Variants in KCNJ15 observed in about 807,000 individuals in gnomAD.
KCNJ15 encodes the protein potassium inwardly rectifying channel subfamily J member 15.
A neutral mutation model predicts 23.0 loss-of-function variants in KCNJ15; 14 were observed. The ratio of observed to expected loss-of-function variants is 0.61; its 90% confidence interval spans 0.40 to 0.95. KCNJ15 has a LOEUF of 0.95. KCNJ15 is among the 40% of genes least tolerant of loss of function. The pLI is 0.00. For missense variants in KCNJ15, 388 were observed against 461.8 expected, an observed-to-expected ratio of 0.84 and a Z score of 1.46; for synonymous variants, 185 against 183.2, an observed-to-expected ratio of 1.01 and a Z score of -0.08.
chr21:38,305,589 G>A lies in KCNJ15; in HGVS notation c.*5200G>A, dbSNP rs890713914. 2.6e-5 allele frequency: 4 copies of A among 152,218 alleles called. No individual in the cohort carries two copies. In the East Asian group the frequency reaches 5.8e-4, roughly 22 times the overall value. 9.4% of individuals were successfully genotyped at this position (152,218 alleles called of 1,614,324 possible). A position where few individuals can be genotyped will look rare whatever the true frequency, so the allele number is the denominator to read the frequency against. On this transcript the variant is annotated 3_prime_UTR_variant, in exon 3 of 3. Transcript: ENST00000398938. Reference sequence around the variant, plus strand: ...GGCTGCCAGGCACTCTGTATGTGCAGAATATGTCCTATATGGAGTAATTTT... The same window carrying A: ...GGCTGCCAGGCACTCTGTATGTGCAAAATATGTCCTATATGGAGTAATTTT...
Position 38,258,129 on chromosome 21 carries a change from A to G in KCNJ15, c.-117+944A>G, listed in dbSNP as rs182250633. Among the ~76,000 whole-genome samples the G allele has an allele frequency of 2.0e-3, 308 of 152,096 alleles. 4 individuals carry two copies. Among genetic ancestry groups the G allele is most frequent in the East Asian group, 5.8e-4 (3 of 5,180 alleles). The stretch of plus-strand genomic sequence containing the variant: ...AAAATTCATTTTTTGCAACCTCAAG[A>G]TCACAAGCACACACTCACACTCATG... On this transcript the variant is annotated intron_variant, in intron 1 of 2. Transcript: ENST00000398938.
At chr21:38,252,187 A>T (rs1432420057), upstream of KCNJ15, among the ~76,000 whole-genome samples, 4 of 152,180 alleles carry the variant, frequency 2.6e-5, no homozygotes, top group East Asian at 7.7e-4. Context: ...TGGCTCTTTT[A>T]ATCTTTACTT....
chr21:38,268,437 A>T lies in KCNJ15; in HGVS notation c.-117+11252A>T, dbSNP rs1012601213. Among the ~76,000 whole-genome samples the T allele has an allele frequency of 1.4e-3, 11 of 7,632 alleles. No homozygotes were observed. The African/African-American group carries it at 0.035, about 24-fold the overall frequency. The allele number at this position is 7,632 out of a possible 152,430, so 5.0% of individuals were successfully genotyped here. On this transcript the variant is annotated intron_variant, in intron 1 of 2. Coordinates refer to ENST00000398938, the MANE Select transcript of KCNJ15 (RefSeq NM_170736.3). ...GAAAGTTATGTAGGTGGATTTTTTA[A>T]AAAAAATATTACAGCCTAAATTTTC...
chr21:38,262,624 ATTAC>A (rs1036124865), intron 1 of KCNJ15, among the ~76,000 whole-genome samples: 9 of 152,128 alleles, frequency 5.9e-5, no homozygotes, highest in Non-Finnish European at 1.3e-4. Context: ...ACACAAAACA[ATTAC>A]CCTTTAAACA....
intron 1 of KCNJ15, among the ~76,000 whole-genome samples, chr21:38,236,250 G>A (rs561403358): frequency 6.6e-6 from 1 of 152,144 alleles, no homozygotes; most frequent in Non-Finnish European, 1.5e-5. Flanking sequence ...TTTCTTCACC[G>A]TCACTTGCTC....
intron 1 of KCNJ15, among the ~76,000 whole-genome samples, chr21:38,283,005 A>G (rs1983519353): frequency 1.3e-5 from 2 of 152,180 alleles, no homozygotes; most frequent in Non-Finnish European, 2.9e-5. Flanking sequence ...CAGCCTAAGC[A>G]AAGGTATAGG....
chr21:38,299,255 C>T lies in KCNJ15; in HGVS notation c.-7C>T, dbSNP rs756722710. ...GTCATTTCTCTAAGTGTTTCCAGAG[C>T]CTGGCAATGGATGCCATTCACATCG... On this transcript the variant is annotated 5_prime_UTR_variant, in exon 3 of 3. Transcript: ENST00000398938. This position sits in a 1 kb window ranked among gnomAD's most constrained non-coding sequence, Gnocchi z 4.5. The T allele has an allele frequency of 2.5e-6, 4 of 1,604,702 alleles. No homozygotes were observed. Among genetic ancestry groups the T allele is most frequent in the Admixed American group, 1.7e-5 (1 of 59,186 alleles).
chr21:38,255,670 G>A (rs1454535975), upstream of KCNJ15, among the ~76,000 whole-genome samples: 1 of 152,164 alleles, frequency 6.6e-6, no homozygotes, highest in East Asian at 1.9e-4. Context: ...AGGGAGAGGG[G>A]GGAGAAAATA....
chr21:38,286,869 G>A (rs1364328897), intron 1 of KCNJ15, among the ~76,000 whole-genome samples: 1 of 152,096 alleles, frequency 6.6e-6, no homozygotes, highest in African/African-American at 2.4e-5. Flanking sequence ...AACCACAGAT[G>A]TACTAGCTGC....
At chr21:38,238,232 G>T (rs1246717011) in intron 1 of KCNJ15, 2 of 581,068 alleles carry the variant, frequency 3.4e-6, no homozygotes. Flanking sequence ...GGCAGTCACG[G>T]ATGTAGCAGT....
rs115424755 is a variant in KCNJ15, at chr21:38,274,098, C to G, written c.-117+16913C>G. ...CTTTACCACTGAGGCTTTGCCAATC[C>G]CAACTCTGGGCAGCCCACCTCTTCC... On this transcript the variant is annotated intron_variant, in intron 1 of 2. Transcript: ENST00000398938. 4.6e-3 allele frequency among the ~76,000 whole-genome samples: 699 copies of G among 152,308 alleles called. 7 individuals are homozygous for G. Among genetic ancestry groups the G allele is most frequent in the African/African-American group, 0.016 (657 of 41,544 alleles).
At chr21:38,280,418 T>C (rs1330669842) in intron 1 of KCNJ15, among the ~76,000 whole-genome samples, 8 of 152,160 alleles carry the variant, frequency 5.3e-5, no homozygotes, top group Admixed American at 5.2e-4. Flanking sequence ...TGTGGGTGTG[T>C]GTTCGCTTTC....
intron 1 of KCNJ15, among the ~76,000 whole-genome samples, chr21:38,264,900 A>G (rs529344388): frequency 6.6e-6 from 1 of 152,332 alleles, no homozygotes; most frequent in South Asian, 2.1e-4. Flanking sequence ...GAAAGAAGAA[A>G]ATGAAGACAC....
chr21:38,276,340 T>C (rs767401150), intron 1 of KCNJ15, among the ~76,000 whole-genome samples: 10 of 152,110 alleles, frequency 6.6e-5, no homozygotes, highest in Admixed American at 2.6e-4. Flanking sequence ...TAGGAAATGG[T>C]ACCATAGTTC....
At chr21:38,255,498 A>T (rs570141709), upstream of KCNJ15, among the ~76,000 whole-genome samples, 25 of 152,262 alleles carry the variant, frequency 1.6e-4, no homozygotes, top group African/African-American at 5.5e-4. Flanking sequence ...AACCCCTGGG[A>T]GCCCAGTGTC....
At chr21:38,237,111 C>T (rs1395285690) in intron 1 of KCNJ15, 1 of 152,324 alleles carries the variant, frequency 6.6e-6, no homozygotes, top group Non-Finnish European at 1.5e-5. Flanking sequence ...GATGACATGT[C>T]TATTGGCAAA....
chr21:38,240,853 TCA>T (rs1421874225), intron 1 of KCNJ15, among the ~76,000 whole-genome samples: 2 of 152,222 alleles, frequency 1.3e-5, no homozygotes, highest in Non-Finnish European at 2.9e-5. Context: ...TTCCTGGAGC[TCA>T]GTTTCTTGAA....
Position 38,300,167 on chromosome 21 carries a change from A to T in KCNJ15, c.906A>T (p.Pro302=), listed in dbSNP as rs1336105477. ...GCCAGAGCCGAACATCTTATATCCC[A>T]GAGGAAATCTACTGGGGTTTTGAGT... The part of the protein sequence containing the change: ...AVCQSRTSYI[P]EEIYWGFEFV... The change falls in exon 3 of 3, where the codon CCA becomes CCT. Residue 302 remains proline (P), a synonymous_variant. Coordinates refer to ENST00000398938, the MANE Select transcript of KCNJ15 (RefSeq NM_170736.3). 6.2e-7 allele frequency: 1 copy of T among 1,614,164 alleles called. No homozygotes were observed. The highest frequency in any genetic ancestry group is 8.5e-7 in the Non-Finnish European group (1 of 1,180,022).
chr21:38,242,974 T>G (rs1979113403), intron 1 of KCNJ15, among the ~76,000 whole-genome samples: 1 of 152,072 alleles, frequency 6.6e-6, no homozygotes, highest in Non-Finnish European at 1.5e-5. Flanking sequence ...AATCAAATGG[T>G]GTAGTATGCA....
Sources: gnomAD v4.1 joint callset for allele counts (sites outside exome capture counted in the v4.1 genomes callset) on GRCh38, gnomAD v4.1.1 for gene constraint, Gnocchi (gnomAD v3.1) non-coding constraint, MANE v1.5 for transcripts, NCBI Gene and HGNC (gene_info 2026-07-23, HGNC 2026-07-21) for gene names.